DAAM1: variants seen among roughly 807,000 people sequenced by gnomAD.
The protein encoded by DAAM1 is dishevelled associated activator of morphogenesis 1, also known as disheveled-associated activator of morphogenesis 1.
In DAAM1, 52 loss-of-function variants were observed where a neutral mutation model predicts 130.0. The observed-to-expected ratio is 0.40, with a 90% CI of 0.32 to 0.50. The LOEUF (loss-of-function observed/expected upper bound fraction) is 0.50. Ranked by LOEUF, DAAM1 falls within the 20% of genes least tolerant of loss-of-function variation. The pLI is 0.61. For synonymous variants in DAAM1, 452 were observed against 444.5 expected, an observed-to-expected ratio of 1.02 and a Z score of -0.21; for missense variants, 1,134 against 1,303.8, an observed-to-expected ratio of 0.87 and a Z score of 2.01.
At chr14:59,333,358 A>G (rs534495499) in intron 15 of DAAM1, among the ~76,000 whole-genome samples, 51 of 152,328 alleles carry the variant, frequency 3.3e-4, no homozygotes, top group African/African-American at 1.1e-3. Context: ...TGAAAAAAAC[A>G]CAATGAAGAT....
At chr14:59,300,060 A>G (rs1884109756) in intron 3 of DAAM1, 1 of 151,986 alleles carries the variant, frequency 6.6e-6, no homozygotes, top group South Asian at 2.1e-4. Flanking sequence ...TTAAATTCCT[A>G]CTCTGCTGCC....
intron 15 of DAAM1, among the ~76,000 whole-genome samples, chr14:59,339,644 C>A (rs1012877436): frequency 2.0e-5 from 3 of 152,130 alleles, no homozygotes; most frequent in Non-Finnish European, 2.9e-5. Flanking sequence ...TGAGTGCTCA[C>A]AATGCAGATG....
chr14:59,354,282 A>T (rs1271502), intron 19 of DAAM1, among the ~76,000 whole-genome samples: 9 of 152,204 alleles, frequency 5.9e-5, no homozygotes, highest in Non-Finnish European at 4.4e-5. Flanking sequence ...GGATGGTCTC[A>T]ATCTCCTGAC....
chr14:59,276,288 T>C (rs1249922456), intron 2 of DAAM1, among the ~76,000 whole-genome samples: 1 of 152,236 alleles, frequency 6.6e-6, no homozygotes, highest in African/African-American at 2.4e-5. Flanking sequence ...TTTATAAAAA[T>C]GTTTTCTGTT....
intron 1 of DAAM1, among the ~76,000 whole-genome samples, chr14:59,198,604 G>A (rs73295911): frequency 0.034 from 5,221 of 152,252 alleles, 278 homozygotes; most frequent in African/African-American, 0.12. Flanking sequence ...TGCTTTTAAT[G>A]CTTCTGTTAG....
At chr14:59,201,933 T>A (rs1888118284) in intron 1 of DAAM1, among the ~76,000 whole-genome samples, 1 of 152,210 alleles carries the variant, frequency 6.6e-6, no homozygotes, top group South Asian at 2.1e-4. Flanking sequence ...ACCTAATGCT[T>A]CTAATAATAT....
chr14:59,205,683 C>G (rs572657289), intron 1 of DAAM1, among the ~76,000 whole-genome samples: 1 of 152,158 alleles, frequency 6.6e-6, no homozygotes, highest in Non-Finnish European at 1.5e-5. Flanking sequence ...TATTTAAAAT[C>G]TTTACCTTGG....
At chr14:59,339,228 C>T (rs1404554587) in intron 15 of DAAM1, among the ~76,000 whole-genome samples, 1 of 152,156 alleles carries the variant, frequency 6.6e-6, no homozygotes, top group East Asian at 1.9e-4. Flanking sequence ...TACAACTTTG[C>T]AAAAGAAAGA....
chr14:59,255,516 T>A (rs1881840829), intron 1 of DAAM1, among the ~76,000 whole-genome samples: 1 of 152,184 alleles, frequency 6.6e-6, no homozygotes, highest in South Asian at 2.1e-4. Flanking sequence ...TCCTTTCACA[T>A]TTTTCTTGAT....
intron 1 of DAAM1, among the ~76,000 whole-genome samples, chr14:59,197,225 T>G (rs1399140058): frequency 6.6e-6 from 1 of 152,230 alleles, no homozygotes; most frequent in Non-Finnish European, 1.5e-5. Flanking sequence ...AATTATTTTT[T>G]CAAATGCAAC....
intron 1 of DAAM1, among the ~76,000 whole-genome samples, chr14:59,189,596 C>G (rs1301941007): frequency 1.3e-5 from 2 of 151,970 alleles, no homozygotes; most frequent in Non-Finnish European, 2.9e-5. Context: ...GGTGGTAGCG[C>G]GGGGGTGGAG....
intron 3 of DAAM1, among the ~76,000 whole-genome samples, chr14:59,301,904 G>A (rs1178261526): frequency 2.6e-5 from 4 of 152,158 alleles, no homozygotes; most frequent in Admixed American, 1.3e-4. Flanking sequence ...AATTGTAAAA[G>A]CAGTGAAAAA....
Sources: gnomAD v4.1 joint callset for allele counts (sites outside exome capture counted in the v4.1 genomes callset) on GRCh38, gnomAD v4.1.1 for gene constraint, MANE v1.5 for transcripts, NCBI Gene and HGNC (gene_info 2026-07-23, HGNC 2026-07-21) for gene names.